The following NBEA variants were observed in gnomAD, a reference collection of about 807,000 sequenced individuals.
NBEA encodes the protein neurobeachin.
In NBEA, 44 loss-of-function variants were observed where a neutral mutation model predicts 343.4. The ratio of observed to expected loss-of-function variants is 0.13; its 90% CI spans 0.10 to 0.16. The LOEUF is 0.16. Ranked by LOEUF, NBEA falls within the 10% of genes least tolerant of loss-of-function variation. The pLI, the probability that NBEA is intolerant of heterozygous loss-of-function variation, is 1.00. For missense variants in NBEA, 2,555 were observed against 3,631.3 expected, an observed-to-expected ratio of 0.70 and a Z score of 7.62; for synonymous variants, 1,175 against 1,238.7, an observed-to-expected ratio of 0.95 and a Z score of 1.08.
At chr13:35,612,968 G>A (rs899501034) in intron 48 of NBEA, among the ~76,000 whole-genome samples, 2 of 151,488 alleles carry the variant, frequency 1.3e-5, no homozygotes, top group Non-Finnish European at 2.9e-5. Flanking sequence ...TATTTATGGG[G>A]TATACTGTGA....
At chr13:35,238,091 T>C (rs2152775573) in intron 34 of NBEA, among the ~76,000 whole-genome samples, 1 of 152,350 alleles carries the variant, frequency 6.6e-6, no homozygotes, top group African/African-American at 2.4e-5. Flanking sequence ...TTTCAATTTA[T>C]AAACTAATGC....
Position 35,349,246 on chromosome 13 carries a change from C to T in NBEA, c.6012+30C>T, listed in dbSNP as rs202124350. 2.9e-6 allele frequency: 4 copies of T among 1,378,158 alleles called. No homozygotes were observed. The South Asian group carries it at 5.3e-5, about 18-fold the overall frequency. The allele number at this position is 1,378,158 out of a possible 1,614,324, so 85.4% of individuals were successfully genotyped here. A position where few individuals can be genotyped will look rare whatever the true frequency, so the allele number is the denominator to read the frequency against. ...GGTTTTGGGAGTAGACTAAATTCTG[C>T]CTTTCTATTATAAGCCAAAAATCAC... is the stretch of plus-strand genomic sequence containing the variant. On this transcript the variant is annotated intron_variant, in intron 37 of 58. Transcript: ENST00000379939.
chr13:35,095,772 G>A (rs537412516), intron 10 of NBEA, among the ~76,000 whole-genome samples: 5 of 152,014 alleles, frequency 3.3e-5, no homozygotes, highest in African/African-American at 1.2e-4. Flanking sequence ...GGTCTATGAA[G>A]TAAAATACTC....
intron 46 of NBEA, among the ~76,000 whole-genome samples, chr13:35,590,149 T>C (rs1269043005): frequency 6.6e-6 from 1 of 152,114 alleles, no homozygotes; most frequent in African/African-American, 2.4e-5. Context: ...TCCTCTATGT[T>C]AGTCAGACAT....
chr13:35,458,313 T>C (rs2046697733), intron 40 of NBEA, among the ~76,000 whole-genome samples: 1 of 152,206 alleles, frequency 6.6e-6, no homozygotes, highest in Non-Finnish European at 1.5e-5. Flanking sequence ...CCTTGCATTG[T>C]AGCTGTTCTT....
intron 34 of NBEA, among the ~76,000 whole-genome samples, chr13:35,284,401 A>T (rs2035279466): frequency 6.6e-6 from 1 of 152,150 alleles, no homozygotes; most frequent in Admixed American, 6.6e-5. Flanking sequence ...ACATGAATGT[A>T]AGCTGCATTG....
At chr13:35,149,782 T>C (rs989545747) in intron 18 of NBEA, among the ~76,000 whole-genome samples, 3 of 152,216 alleles carry the variant, frequency 2.0e-5, no homozygotes, top group Admixed American at 6.5e-5. Flanking sequence ...AACTTTATAT[T>C]GAGTGTAGCA....
At chr13:34,966,358 A>G (rs1008036656) in intron 1 of NBEA, among the ~76,000 whole-genome samples, 3 of 152,030 alleles carry the variant, frequency 2.0e-5, no homozygotes, top group Non-Finnish European at 2.9e-5. Context: ...CGAAGTATGT[A>G]TAAGTTGGGA....
At chr13:35,062,073 CA>C (rs2063486977) in intron 8 of NBEA, among the ~76,000 whole-genome samples, 1 of 151,308 alleles carries the variant, frequency 6.6e-6, no homozygotes. Context: ...CATCATATAC[CA>C]ACACCAAGAT....
At chr13:35,068,978 A>C (rs909748788) in intron 8 of NBEA, among the ~76,000 whole-genome samples, 9 of 152,120 alleles carry the variant, frequency 5.9e-5, no homozygotes, top group Non-Finnish European at 1.2e-4. Context: ...TGAGTTTGGG[A>C]CATTTAATTT....
intron 1 of NBEA, among the ~76,000 whole-genome samples, chr13:34,952,670 TTTCTC>T (rs1183910497): frequency 6.6e-6 from 1 of 152,186 alleles, no homozygotes; most frequent in Non-Finnish European, 1.5e-5. Context: ...ATAATTGTGA[TTTCTC>T]TTTCAGTTTA....
intron 45 of NBEA, among the ~76,000 whole-genome samples, chr13:35,567,448 T>A (rs948205393): frequency 6.6e-6 from 1 of 152,142 alleles, no homozygotes; most frequent in African/African-American, 2.4e-5. Flanking sequence ...TGTCTGTCTA[T>A]ATATGAGAGA....
chr13:35,652,357 AG>A (rs2084567849), intron 53 of NBEA, among the ~76,000 whole-genome samples: 1 of 127,696 alleles, frequency 7.8e-6, no homozygotes, highest in African/African-American at 2.8e-5. Context: ...AAAAAAAAAA[AG>A]GGCCGGGCAT....
intron 22 of NBEA, among the ~76,000 whole-genome samples, chr13:35,161,123 C>T (rs1333631417): frequency 6.6e-6 from 1 of 152,106 alleles, no homozygotes; most frequent in Non-Finnish European, 1.5e-5. Flanking sequence ...AGGAGATGAG[C>T]ATATTGAATT....
At chr13:35,403,728 T>G (rs1326253966) in intron 38 of NBEA, among the ~76,000 whole-genome samples, 2 of 144,626 alleles carry the variant, frequency 1.4e-5, no homozygotes, top group Non-Finnish European at 3.2e-5. Context: ...CCAAAAGCAA[T>G]GGCAACAAAA....
intron 36 of NBEA, among the ~76,000 whole-genome samples, chr13:35,313,014 C>T (rs970062988): frequency 6.6e-6 from 1 of 152,076 alleles, no homozygotes; most frequent in African/African-American, 2.4e-5. Context: ...CCAGGTTATT[C>T]GTGGTAAACT....
intron 1 of NBEA, among the ~76,000 whole-genome samples, chr13:34,968,569 A>G (rs1053461981): frequency 3.3e-5 from 5 of 152,188 alleles, no homozygotes; most frequent in African/African-American, 1.2e-4. Flanking sequence ...CATTACTGAT[A>G]TGTAAATGAA....
chr13:35,403,916 A>G (rs2152909323), intron 38 of NBEA, among the ~76,000 whole-genome samples: 1 of 152,318 alleles, frequency 6.6e-6, no homozygotes, highest in East Asian at 1.9e-4. Flanking sequence ...CAAGAAAAAA[A>G]CAACACCATC....
At chr13:34,982,691 C>G (rs772849937) in intron 1 of NBEA, among the ~76,000 whole-genome samples, 10 of 152,128 alleles carry the variant, frequency 6.6e-5, no homozygotes, top group Non-Finnish European at 1.3e-4. Context: ...TATGGCTCAT[C>G]ATATATTTCC....
Sources: gnomAD v4.1 joint callset for allele counts (sites outside exome capture counted in the v4.1 genomes callset) on GRCh38, gnomAD v4.1.1 for gene constraint, MANE v1.5 for transcripts, NCBI Gene and HGNC (gene_info 2026-07-23, HGNC 2026-07-21) for gene names.